Variants in TTC17 observed in about 807,000 individuals in gnomAD.
TTC17 encodes tetratricopeptide repeat domain 17.
TTC17 carries 58 observed loss-of-function variants against 143.8 expected under a neutral mutation model. The ratio of observed to expected loss-of-function variants is 0.40; its 90% CI spans 0.33 to 0.50. The LOEUF is 0.50. TTC17 is among the 20% of genes least tolerant of loss of function. The pLI, the probability that TTC17 is intolerant of heterozygous loss-of-function variation, is 0.49. For synonymous variants in TTC17, 501 were observed against 497.8 expected (o/e 1.01, Z -0.09); for missense variants, 1,273 against 1,392.5 (o/e 0.91, Z 1.37).
chr11:43,438,615 T>A (rs1407725633), intron 16 of TTC17, among the ~76,000 whole-genome samples: 1 of 152,218 alleles, frequency 6.6e-6, no homozygotes, highest in Admixed American at 6.5e-5. Context: ...CCCATTGATA[T>A]TACTCATGCA....
intron 16 of TTC17, among the ~76,000 whole-genome samples, chr11:43,418,434 C>G (rs936533124): frequency 3.3e-5 from 5 of 152,112 alleles, no homozygotes; most frequent in Admixed American, 2.0e-4. Context: ...GATTAAACAT[C>G]TTGTTTGGGC....
At chr11:43,392,507 A>G (rs1250047686) in intron 5 of TTC17, among the ~76,000 whole-genome samples, 1 of 152,224 alleles carries the variant, frequency 6.6e-6, no homozygotes, top group Admixed American at 6.5e-5. Flanking sequence ...CATAAAATGC[A>G]GTTTAGTTTC....
intron 16 of TTC17, among the ~76,000 whole-genome samples, chr11:43,439,245 C>T (rs1947360287): frequency 6.6e-6 from 1 of 152,146 alleles, no homozygotes; most frequent in Non-Finnish European, 1.5e-5. Flanking sequence ...AGCTACTCTT[C>T]CTGCCACTGG....
chr11:43,379,181 CAAACCAG>C (rs1258197016), intron 1 of TTC17, 45 bp from the exon 2 acceptor site: 1 of 1,520,464 alleles, frequency 6.6e-7, no homozygotes, highest in Non-Finnish European at 9.1e-7. Context: ...TTTGTTAATC[CAAACCAG>C]CATTAATGAA....
chr11:43,413,391 T>C (rs762816097), intron 15 of TTC17, among the ~76,000 whole-genome samples: 53 of 152,142 alleles, frequency 3.5e-4, no homozygotes, highest in Non-Finnish European at 5.4e-4. Context: ...GCCTTCTTTA[T>C]GAAGACATAG....
rs753522472 is a variant in TTC17 at position 43,444,166 on chromosome 11, C to T, written c.2622C>T (p.Asn874=). The change falls in exon 18 of 24, where the codon AAC becomes AAT. Residue 874 remains asparagine (N), a synonymous_variant. Coordinates refer to ENST00000039989, the MANE Select transcript of TTC17 (RefSeq NM_018259.6). ...AAAATGGACATCGTTACCAAGCAAA[C>T]CTAGAGATCACTGGCCCCAAGGTGG... ...QIENGHRYQA[N]LEITGPKVAS... 1.9e-6 allele frequency: 3 copies of T among 1,612,846 alleles called. No homozygotes were observed. In the Admixed American group the frequency reaches 5.0e-5, roughly 27 times the overall value.
chr11:43,458,912 A>G (rs1947813244), intron 21 of TTC17, among the ~76,000 whole-genome samples: 2 of 152,154 alleles, frequency 1.3e-5, no homozygotes, highest in African/African-American at 4.8e-5. Flanking sequence ...TAATTTATAA[A>G]TTAAACTTTA....
At chr11:43,363,832 T>C (rs147567186) in intron 1 of TTC17, among the ~76,000 whole-genome samples, 349 of 152,162 alleles carry the variant, frequency 2.3e-3, no homozygotes, top group Non-Finnish European at 4.2e-3. Context: ...CACTTACAAA[T>C]GAAGGACTAC....
At chr11:43,401,986 A>G (rs1222058295) in intron 10 of TTC17, among the ~76,000 whole-genome samples, 1 of 79,246 alleles carries the variant, frequency 1.3e-5, no homozygotes, top group East Asian at 2.4e-4. Context: ...TCAAAAAATA[A>G]ATAAATAAAT....
chr11:43,413,027 C>CACACAA (rs1488726585), intron 15 of TTC17, among the ~76,000 whole-genome samples: 7 of 116,998 alleles, frequency 6.0e-5, no homozygotes, highest in Non-Finnish European at 1.4e-4. Context: ...CACACACACA[C>CACACAA]AAATGGGGGC....
intron 1 of TTC17, 77 bp downstream of exon 1, chr11:43,359,190 T>G: frequency 6.9e-7 from 1 of 1,443,956 alleles, no homozygotes; most frequent in East Asian, 2.9e-5. Flanking sequence ...CCCTGGCTGT[T>G]GGGCTCCGCG....
At chr11:43,430,694 A>G (rs996634349) in intron 16 of TTC17, among the ~76,000 whole-genome samples, 1 of 116,368 alleles carries the variant, frequency 8.6e-6, no homozygotes, top group African/African-American at 3.3e-5. Context: ...TGCCCCCAGC[A>G]TCCCCTACAT....
chr11:43,428,008 A>G (rs915970463), intron 16 of TTC17, among the ~76,000 whole-genome samples: 1 of 152,204 alleles, frequency 6.6e-6, no homozygotes, highest in Non-Finnish European at 1.5e-5. Context: ...CTCAATATAC[A>G]TAAGTAGATA....
chr11:43,452,105 C>T (rs938156765), intron 21 of TTC17, among the ~76,000 whole-genome samples: 2 of 152,168 alleles, frequency 1.3e-5, no homozygotes, highest in African/African-American at 2.4e-5. Flanking sequence ...TTTCAGAAAA[C>T]GTCAGCAAAA....
Position 43,407,160 on chromosome 11 carries a change from A to G in TTC17, c.1784A>G (p.Asn595Ser). 1 of 1,594,458 alleles carries G rather than the reference A, an allele frequency of 6.3e-7. No homozygotes were observed. The highest frequency in any genetic ancestry group is 8.5e-7 in the Non-Finnish European group (1 of 1,173,830). ...ARKILLSRIN[N>S]YTIPEEEIGS... ...CAGATTTTGCTTTCCCGTATTAATA[A>G]CTATACTATCCCAGAAGAAGAAATT... is the stretch of plus-strand genomic sequence containing the variant. Residue 595 changes from asparagine (N) to serine (S), a missense_variant, in exon 14 of 24, where the codon AAC (asparagine) becomes AGC (serine). Coordinates refer to ENST00000039989, the MANE Select transcript of TTC17 (RefSeq NM_018259.6).
In TTC17 at chr11:43,379,464, G is replaced by A. The variant is rs1229657875; in HGVS notation, c.249+142G>A. 1.7e-6 allele frequency: 1 copy of A among 600,966 alleles called. No individual in the cohort carries two copies. Among genetic ancestry groups the A allele is most frequent in the East Asian group, 3.0e-5 (1 of 33,826 alleles). The allele number at this position is 600,966 out of a possible 1,614,324, so 37.2% of individuals were successfully genotyped here. A position where few individuals can be genotyped will look rare whatever the true frequency, so the allele number is the denominator to read the frequency against. On this transcript the variant is annotated intron_variant, in intron 2 of 23. Coordinates refer to ENST00000039989, the MANE Select transcript of TTC17 (RefSeq NM_018259.6). Reference sequence around the variant, plus strand: ...CGGGAATATACTACCTGCAATGTGTGTGTGTGTGTGTGTGTGTTTTTTCTT... The same window carrying A: ...CGGGAATATACTACCTGCAATGTGTATGTGTGTGTGTGTGTGTTTTTTCTT...
chr11:43,405,919 A>C lies in TTC17; in HGVS notation c.1729A>C (p.Lys577Gln), dbSNP rs189077610. The change falls in exon 13 of 24, where the codon AAA (lysine) becomes CAA (glutamine). Residue 577 changes from lysine (K) to glutamine (Q), a missense_variant. Around this residue, in one of 3 missense-constraint regions of TTC17, gnomAD observed 878 missense variants for 899.8 expected, o/e 0.98. Coordinates refer to ENST00000039989, the MANE Select transcript of TTC17 (RefSeq NM_018259.6). The part of the protein sequence containing the change: ...VKELEVRMDL[K>Q]AKMPDDHARK... ...AGAATTAGAGGTTCGCATGGATCTG[A>C]AAGCCAAAATGCCAGATGACCATGC... 198 of 1,613,432 alleles carry C rather than the reference A, an allele frequency of 1.2e-4. 1 individual carries two copies. In the East Asian group the frequency reaches 3.9e-3, roughly 32 times the overall value.
intron 1 of TTC17, among the ~76,000 whole-genome samples, chr11:43,362,150 TG>T (rs1856136998): frequency 2.5e-3 from 13 of 5,154 alleles, no homozygotes; most frequent in Admixed American, 3.5e-3. Flanking sequence ...CCGGCTAATT[TG>T]TGTGTGTGTG....
At chr11:43,386,369 T>A (rs914349011) in intron 2 of TTC17, among the ~76,000 whole-genome samples, 1 of 152,220 alleles carries the variant, frequency 6.6e-6, no homozygotes, top group Non-Finnish European at 1.5e-5. Flanking sequence ...CTGTATAACA[T>A]GTTACTGTAC....
Sources: allele counts gnomAD v4.1 joint callset (sites outside exome capture counted in the v4.1 genomes callset), GRCh38; gene constraint gnomAD v4.1.1; regional missense constraint gnomAD v4.1.1; transcripts MANE v1.5; gene names NCBI Gene and HGNC (gene_info 2026-07-23, HGNC 2026-07-21).